Variants in KCTD19 observed in about 807,000 individuals in gnomAD.
KCTD19 encodes the protein BTB/POZ domain-containing protein KCTD19.
A neutral mutation model predicts 103.5 loss-of-function variants in KCTD19; 67 were observed. The ratio of observed to expected loss-of-function variants is 0.65; its 90% CI spans 0.53 to 0.79. The LOEUF (loss-of-function observed/expected upper bound fraction) is 0.79, where lower values mean the gene tolerates loss of function less well. KCTD19 is among the 30% of genes least tolerant of loss of function. KCTD19 has a pLI of 0.00. For synonymous variants in KCTD19, 439 were observed against 452.2 expected, an observed-to-expected ratio of 0.97 and a Z score of 0.37; for missense variants, 980 against 1,136.1, an observed-to-expected ratio of 0.86 and a Z score of 1.98.
Position 67,293,504 on chromosome 16 carries a change from G to C in KCTD19, c.2218+40C>G. The C allele has an allele frequency of 6.3e-7, 1 of 1,590,542 alleles. No individual in the cohort carries two copies. Among genetic ancestry groups the C allele is most frequent in the South Asian group, 1.1e-5 (1 of 87,964 alleles). ...CTTGGCCAAAGAGTTTGCCTTCTCT[G>C]TTGTGAATAAGACTTAGATCAAAGG... On this transcript the variant is annotated intron_variant, in intron 12 of 15. Transcript: ENST00000304372. This position sits in a 1 kb window ranked among gnomAD's most constrained non-coding sequence, Gnocchi z 4.0.
chr16:67,295,489 C>G, intron 8 of KCTD19, 84 bp from the exon 9 acceptor site: 1 of 1,298,080 alleles, frequency 7.7e-7, no homozygotes, highest in Non-Finnish European at 1.1e-6. Context: ...CTCCCCTTTT[C>G]CAACTACACT....
At chr16:67,316,122 G>T (rs2037011314) in intron 2 of KCTD19, among the ~76,000 whole-genome samples, 1 of 152,138 alleles carries the variant, frequency 6.6e-6, no homozygotes, top group Admixed American at 6.5e-5. Flanking sequence ...GCTCACTGTG[G>T]CCTCAAACTC....
At chr16:67,291,282 C>T in intron 14 of KCTD19, 27 bp downstream of exon 14, 2 of 1,606,306 alleles carry the variant, frequency 1.2e-6, no homozygotes, top group Non-Finnish European at 1.7e-6. Context: ...ACAGGGTGCC[C>T]CAGGGCCTGA....
intron 2 of KCTD19, among the ~76,000 whole-genome samples, chr16:67,314,830 T>TATAGAGAG (rs1430877802): frequency 1.5e-4 from 5 of 33,656 alleles, no homozygotes; most frequent in African/African-American, 2.1e-4. Flanking sequence ...TATATATATA[T>TATAGAGAG]AGAGAGAGAG....
intron 12 of KCTD19, among the ~76,000 whole-genome samples, chr16:67,292,061 A>G (rs575216580): frequency 6.6e-6 from 1 of 152,118 alleles, no homozygotes; most frequent in Non-Finnish European, 1.5e-5. Context: ...TTTGGTAGAG[A>G]TGGGGTTTCA....
intron 2 of KCTD19, among the ~76,000 whole-genome samples, chr16:67,316,699 T>C (rs996242653): frequency 1.3e-5 from 2 of 152,244 alleles, no homozygotes; most frequent in Non-Finnish European, 2.9e-5. Flanking sequence ...TATCTCTACC[T>C]GACATTGTAT....
intron 2 of KCTD19, among the ~76,000 whole-genome samples, chr16:67,317,058 C>T (rs2037020108): frequency 6.6e-6 from 1 of 152,168 alleles, no homozygotes; most frequent in Non-Finnish European, 1.5e-5. Flanking sequence ...GGCAAAGTCA[C>T]ATTTTTATTG....
intron 2 of KCTD19, among the ~76,000 whole-genome samples, chr16:67,310,953 C>G (rs1182814527): frequency 6.6e-6 from 1 of 152,172 alleles, no homozygotes; most frequent in East Asian, 1.9e-4. Context: ...CCCCCAAAGC[C>G]AAATAAGACG....
rs747984646 is a variant in KCTD19, at chr16:67,301,867, A to G, written c.699T>C (p.Asp233=). 4 of 1,612,912 alleles carry G rather than the reference A, an allele frequency of 2.5e-6. No individual in the cohort carries two copies. The highest frequency in any genetic ancestry group is 3.4e-6 in the Non-Finnish European group (4 of 1,179,022). The change falls in exon 5 of 16, where the codon GAT becomes GAC. Residue 233 remains aspartate (D), a synonymous_variant. Coordinates refer to ENST00000304372, the MANE Select transcript of KCTD19 (RefSeq NM_001100915.3). ...GAATTTCCACTTCTGCTTCTAATAC[A>G]TCAATGTTGGAGAAATTATCCGGTA... The part of the protein sequence containing the change: ...ILLPDNFSNI[D]VLEAEVEILE...
At position 67,295,020 on chromosome 16, in the gene KCTD19, G is replaced by A. The variant is rs2036748615; in HGVS notation, c.1428C>T (p.Tyr476=). 1.5e-5 allele frequency: 25 copies of A among 1,613,972 alleles called. No individual in the cohort carries two copies. The highest frequency in any genetic ancestry group is 2.0e-5 in the Non-Finnish European group (24 of 1,179,854). The change falls in exon 10 of 16, where the codon TAC becomes TAT. Residue 476 remains tyrosine (Y), a synonymous_variant. Transcript: ENST00000304372. The stretch of plus-strand genomic sequence containing the variant: ...GGGCTTCTGAGAGGGATGGAATGTG[G>A]TATTCCTCCACCTCCTGGCAGAAGA... The part of the protein sequence containing the change: ...WPLFCQEVEE[Y]HIPSLSEALA...
rs576197532 is a variant in KCTD19 at position 67,294,100 on chromosome 16, G to A, written c.1662C>T (p.Asn554=). ...DRTPWNKAKG[N]LVRSNQMDEA... ...CATCCATCTGGTTGGACCTGACCAG[G>A]TTTCCCTTAGCCTTGTTCCATGGAG... The change falls in exon 12 of 16, where the codon AAC becomes AAT. Residue 554 remains asparagine (N), a synonymous_variant. Transcript: ENST00000304372. 3.7e-6 allele frequency: 6 copies of A among 1,613,922 alleles called. No individual in the cohort carries two copies. The highest frequency in any genetic ancestry group is 2.7e-5 in the African/African-American group (2 of 75,040).
At chr16:67,292,449 C>T (rs544577354) in intron 12 of KCTD19, among the ~76,000 whole-genome samples, 1 of 152,248 alleles carries the variant, frequency 6.6e-6, no homozygotes, top group Non-Finnish European at 1.5e-5. Context: ...TGAACTAAGA[C>T]GTATCAAATG....
chr16:67,295,586 T>C (rs2036755934), intron 8 of KCTD19, 181 bp from the exon 9 acceptor site: 1 of 568,524 alleles, frequency 1.8e-6, no homozygotes, highest in Non-Finnish European at 3.0e-6. Flanking sequence ...GAGAAGCACA[T>C]CATCCCTGCT....
At chr16:67,314,828 TATAG>T (rs1342351512) in intron 2 of KCTD19, among the ~76,000 whole-genome samples, 22 of 50,364 alleles carry the variant, frequency 4.4e-4, no homozygotes, top group Admixed American at 3.4e-3. Context: ...TATATATATA[TATAG>T]AGAGAGAGAG....
intron 2 of KCTD19, among the ~76,000 whole-genome samples, chr16:67,308,904 G>C (rs1418803627): frequency 6.6e-6 from 1 of 152,068 alleles, no homozygotes; most frequent in Non-Finnish European, 1.5e-5. Context: ...AGGCCGAGCT[G>C]GGCCGATCAC....
At chr16:67,315,311 C>CT (rs771972233) in intron 2 of KCTD19, among the ~76,000 whole-genome samples, 1,915 of 141,426 alleles carry the variant, frequency 0.014, 23 homozygotes, top group African/African-American at 0.035. Flanking sequence ...AACTATTCCT[C>CT]TTTTTTTTTT....
chr16:67,322,283 C>G (rs2037082605), intron 1 of KCTD19, among the ~76,000 whole-genome samples: 1 of 150,004 alleles, frequency 6.7e-6, no homozygotes, highest in Non-Finnish European at 1.5e-5. Flanking sequence ...TGAAACAGAC[C>G]TAAAACTATA....
chr16:67,318,571 A>G (rs1409294549), intron 2 of KCTD19, among the ~76,000 whole-genome samples: 1 of 151,830 alleles, frequency 6.6e-6, no homozygotes, highest in Non-Finnish European at 1.5e-5. Context: ...AAAAAAAAAA[A>G]AAAAAAAGAA....
intron 12 of KCTD19, among the ~76,000 whole-genome samples, chr16:67,292,807 G>A (rs1402134143): frequency 6.6e-6 from 1 of 152,032 alleles, no homozygotes; most frequent in Non-Finnish European, 1.5e-5. Flanking sequence ...GATGTCCCTC[G>A]GCATTTCACA....
Sources: gnomAD v4.1 joint callset for allele counts (sites outside exome capture counted in the v4.1 genomes callset) on GRCh38, gnomAD v4.1.1 for gene constraint, Gnocchi (gnomAD v3.1) non-coding constraint, MANE v1.5 for transcripts, NCBI Gene and HGNC (gene_info 2026-07-23, HGNC 2026-07-21) for gene names.